The following ZNF475 variants were observed in gnomAD, a reference collection of about 807,000 sequenced individuals.
ZNF475 encodes the protein zinc finger protein 475.
At chr5:122,177,705 A>T in the ZNF475 span, among the ~76,000 whole-genome samples, 1 of 152,142 alleles carries the variant, frequency 6.6e-6, no homozygotes, top group African/African-American at 2.4e-5. Flanking sequence ...ATAATTTTAA[A>T]ATATGATTTC....
chr5:122,160,926 A>G, the ZNF475 span, among the ~76,000 whole-genome samples: 9 of 152,202 alleles, frequency 5.9e-5, no homozygotes, highest in Non-Finnish European at 1.2e-4. Context: ...AAGGTCAACA[A>G]CTACAATCTC....
the ZNF475 span, among the ~76,000 whole-genome samples, chr5:122,166,918 T>A: frequency 1.3e-5 from 2 of 152,166 alleles, no homozygotes; most frequent in Non-Finnish European, 2.9e-5. Context: ...CGCCACACTG[T>A]CAGTTTAATT....
the ZNF475 span, chr5:122,179,723 C>A: frequency 6.6e-7 from 1 of 1,510,434 alleles, no homozygotes; most frequent in Non-Finnish European, 8.8e-7. Flanking sequence ...AAGTCAGGAC[C>A]ATTACTGGTA....
At chr5:122,170,067 T>C in the ZNF475 span, among the ~76,000 whole-genome samples, 1 of 152,240 alleles carries the variant, frequency 6.6e-6, no homozygotes, top group African/African-American at 2.4e-5. Context: ...AACTGATATG[T>C]ATTCAACCAT....
the ZNF475 span, among the ~76,000 whole-genome samples, chr5:122,170,546 G>T: frequency 6.6e-6 from 1 of 152,226 alleles, no homozygotes; most frequent in Non-Finnish European, 1.5e-5. Context: ...TAGGGGTGGT[G>T]TGGAGCTTCT....
chr5:122,169,480 T>A, the ZNF475 span, among the ~76,000 whole-genome samples: 1 of 152,148 alleles, frequency 6.6e-6, no homozygotes, highest in Non-Finnish European at 1.5e-5. Flanking sequence ...GACAGCAAAA[T>A]TGAGGACTGT....
the ZNF475 span, among the ~76,000 whole-genome samples, chr5:122,169,472 C>G: frequency 6.6e-6 from 1 of 152,148 alleles, no homozygotes; most frequent in Admixed American, 6.5e-5. Context: ...GGCATGGAGA[C>G]AGCAAAATTG....
chr5:122,162,296 T>C, the ZNF475 span: 3 of 152,192 alleles, frequency 2.0e-5, no homozygotes, highest in African/African-American at 7.2e-5. Flanking sequence ...ACAGACCGGA[T>C]TGGGAAATTC....
the ZNF475 span, among the ~76,000 whole-genome samples, chr5:122,172,815 C>T: frequency 2.6e-5 from 4 of 152,210 alleles, no homozygotes; most frequent in Admixed American, 2.0e-4. Context: ...GGATGGATCA[C>T]GAGGTCAGGA....
chr5:122,163,865 G>A, the ZNF475 span, among the ~76,000 whole-genome samples: 1 of 152,148 alleles, frequency 6.6e-6, no homozygotes, highest in East Asian at 1.9e-4. Context: ...TAGGCTTCAA[G>A]CCTCTTGTCA....
At chr5:122,178,257 C>A in the ZNF475 span, among the ~76,000 whole-genome samples, 1 of 152,144 alleles carries the variant, frequency 6.6e-6, no homozygotes, top group Non-Finnish European at 1.5e-5. Context: ...TGGGTATATA[C>A]CCAGTAATGG....
the ZNF475 span, among the ~76,000 whole-genome samples, chr5:122,165,579 C>T: frequency 1.3e-5 from 2 of 152,092 alleles, no homozygotes; most frequent in Non-Finnish European, 2.9e-5. Context: ...CTCCAAGTCA[C>T]GGTTCAGGCT....
chr5:122,167,022 C>T, the ZNF475 span, among the ~76,000 whole-genome samples: 3 of 152,172 alleles, frequency 2.0e-5, no homozygotes, highest in Non-Finnish European at 2.9e-5. Flanking sequence ...AATGGTATTG[C>T]GTAGGTTTTC....
chr5:122,173,841 T>C, the ZNF475 span, among the ~76,000 whole-genome samples: 1 of 152,232 alleles, frequency 6.6e-6, no homozygotes, highest in Non-Finnish European at 1.5e-5. Flanking sequence ...TGACTAACTT[T>C]TTGTAAAAAA....
At chr5:122,163,773 A>G in the ZNF475 span, among the ~76,000 whole-genome samples, 1 of 152,238 alleles carries the variant, frequency 6.6e-6, no homozygotes, top group African/African-American at 2.4e-5. Flanking sequence ...TAAATGACTC[A>G]AGGATTACCC....
the ZNF475 span, chr5:122,179,879 T>A: frequency 3.7e-6 from 2 of 546,976 alleles, no homozygotes; most frequent in Non-Finnish European, 6.1e-6. Flanking sequence ...GAAAAACAGT[T>A]CTGAAATGCC....
chr5:122,165,598 C>T, the ZNF475 span, among the ~76,000 whole-genome samples: 16 of 152,212 alleles, frequency 1.1e-4, no homozygotes, highest in Non-Finnish European at 2.2e-4. Context: ...CTTACAGGGG[C>T]TATTTCCCTT....
At chr5:122,180,970 T>C in the ZNF475 span, among the ~76,000 whole-genome samples, 1 of 152,212 alleles carries the variant, frequency 6.6e-6, no homozygotes, top group Non-Finnish European at 1.5e-5. Context: ...GCATTTCTCA[T>C]TTGGTGTCAA....
the ZNF475 span, among the ~76,000 whole-genome samples, chr5:122,175,620 T>C: frequency 2.6e-5 from 4 of 152,220 alleles, no homozygotes; most frequent in South Asian, 2.1e-4. Context: ...CTTTATCTCA[T>C]ACTTAGAAGA....
Sources: gnomAD v4.1 joint callset for allele counts (sites outside exome capture counted in the v4.1 genomes callset) on GRCh38, gnomAD v4.1.1 for gene constraint, MANE v1.5 for transcripts, NCBI Gene and HGNC (gene_info 2026-07-23, HGNC 2026-07-21) for gene names.